Variants in UBE2E3 observed in about 807,000 individuals in gnomAD.
UBE2E3 encodes the protein ubiquitin conjugating enzyme E2 E3.
In UBE2E3, 5 loss-of-function variants were observed where a neutral mutation model predicts 23.6. The ratio of observed to expected loss-of-function variants is 0.21; its 90% CI spans 0.11 to 0.44. The LOEUF is 0.44. Among genes scored for constraint, UBE2E3 ranks in the 20% least tolerant of loss-of-function variants. UBE2E3 has a pLI of 0.99. For synonymous variants in UBE2E3, 78 were observed against 87.5 expected (o/e 0.89, Z 0.60); for missense variants, 81 against 249.8 (o/e 0.32, Z 4.55).
At chr2:180,987,941 A>G (rs1363463779) in intron 3 of UBE2E3, among the ~76,000 whole-genome samples, 2 of 152,134 alleles carry the variant, frequency 1.3e-5, no homozygotes, top group Admixed American at 6.6e-5. Flanking sequence ...TGAATTGTAT[A>G]TATAAGTAGG....
intron 3 of UBE2E3, among the ~76,000 whole-genome samples, chr2:181,019,853 G>T (rs371937611): frequency 4.7e-4 from 72 of 151,932 alleles, no homozygotes; most frequent in African/African-American, 1.5e-3. Flanking sequence ...TTTGTGGTGA[G>T]AACATTTAAG....
chr2:181,025,417 A>G (rs941662453), intron 3 of UBE2E3, among the ~76,000 whole-genome samples: 2 of 151,796 alleles, frequency 1.3e-5, no homozygotes, highest in African/African-American at 2.4e-5. Flanking sequence ...TTTCCCTGAC[A>G]GTTTATGTTA....
At chr2:181,014,259 A>G (rs1402887114) in intron 3 of UBE2E3, among the ~76,000 whole-genome samples, 1 of 152,168 alleles carries the variant, frequency 6.6e-6, no homozygotes, top group Non-Finnish European at 1.5e-5. Flanking sequence ...ATTTCTGAAC[A>G]AAGTGAGTTT....
chr2:181,014,787 A>G (rs926869435), intron 3 of UBE2E3, among the ~76,000 whole-genome samples: 3 of 152,204 alleles, frequency 2.0e-5, no homozygotes, highest in African/African-American at 7.2e-5. Flanking sequence ...TATATGATGT[A>G]TAATGATCAA....
intron 3 of UBE2E3, among the ~76,000 whole-genome samples, chr2:180,991,591 T>C (rs1194716100): frequency 1.3e-5 from 2 of 152,162 alleles, no homozygotes; most frequent in African/African-American, 2.4e-5. Flanking sequence ...ATGTCTTTGA[T>C]TGTGGCACAA....
intron 3 of UBE2E3, among the ~76,000 whole-genome samples, chr2:180,996,958 C>G (rs1157854758): frequency 6.6e-6 from 1 of 152,110 alleles, no homozygotes; most frequent in East Asian, 1.9e-4. Flanking sequence ...TGTGCATGAG[C>G]TTAATGTGTA....
chr2:181,052,450 G>A (rs1686869375), intron 3 of UBE2E3, among the ~76,000 whole-genome samples: 1 of 151,868 alleles, frequency 6.6e-6, no homozygotes, highest in South Asian at 2.1e-4. Context: ...AATAAGGCAG[G>A]TTGGACAAGT....
In UBE2E3 at chr2:181,031,264, T is replaced by C. The variant is rs576548835; in HGVS notation, c.246-26429T>C. 2.0e-5 allele frequency among the ~76,000 whole-genome samples: 3 copies of C among 152,300 alleles called. No homozygotes were observed. In the South Asian group the frequency reaches 6.2e-4, roughly 32 times the overall value. ...GGTTTGCTATGTTTTCATTAAATCA[T>C]GTTCATTTATTATGTGGTTCAGATA... On this transcript the variant is annotated intron_variant, in intron 3 of 5. Coordinates refer to ENST00000410062, the MANE Select transcript of UBE2E3 (RefSeq NM_006357.4).
At chr2:181,055,184 G>A (rs1686955292) in intron 3 of UBE2E3, among the ~76,000 whole-genome samples, 1 of 151,644 alleles carries the variant, frequency 6.6e-6, no homozygotes, top group African/African-American at 2.4e-5. Flanking sequence ...AGATTTCCAA[G>A]GAGTTTTGCT....
At chr2:181,014,617 G>GA (rs1248133200) in intron 3 of UBE2E3, among the ~76,000 whole-genome samples, 1 of 152,160 alleles carries the variant, frequency 6.6e-6, no homozygotes, top group Non-Finnish European at 1.5e-5. Flanking sequence ...ACCTGAGGTA[G>GA]AAAGTATTTC....
chr2:180,980,867 C>T lies in UBE2E3; in HGVS notation c.-132C>T, dbSNP rs1044581727. 2 of 149,712 alleles carry T rather than the reference C, an allele frequency of 1.3e-5. No homozygotes were observed. The highest frequency in any genetic ancestry group is 4.9e-5 in the African/African-American group (2 of 41,158). The allele number at this position is 149,712 out of a possible 1,614,324, so 9.3% of individuals were successfully genotyped here. ...CCTCGGCTTCTTTTTTTCCCTCCCC[C>T]CCCTTCCCCCCCCCACAGCTGCCTC... On this transcript the variant is annotated 5_prime_UTR_variant, in exon 1 of 6. Coordinates refer to ENST00000410062, the MANE Select transcript of UBE2E3 (RefSeq NM_006357.4). This position sits in a 1 kb window ranked among gnomAD's most constrained non-coding sequence, Gnocchi z 5.5.
intron 3 of UBE2E3, among the ~76,000 whole-genome samples, chr2:181,041,446 A>T (rs1205397058): frequency 3.6e-5 from 5 of 140,250 alleles, no homozygotes; most frequent in South Asian, 2.3e-4. Flanking sequence ...CAACATAAGG[A>T]ATTTTTTTTT....
intron 1 of UBE2E3, among the ~76,000 whole-genome samples, 164 bp from the exon 2 acceptor site, chr2:180,981,854 A>C (rs1424991301): frequency 6.7e-6 from 1 of 150,130 alleles, no homozygotes; most frequent in African/African-American, 2.4e-5. Context: ...GTTGTGTGAC[A>C]CATCACCTCC....
chr2:180,989,750 A>T (rs1429876796), intron 3 of UBE2E3: 5 of 984,244 alleles, frequency 5.1e-6, no homozygotes, highest in African/African-American at 4.9e-5. Flanking sequence ...ATGTGCTTTT[A>T]AAAAAAGTTA....
intron 3 of UBE2E3, among the ~76,000 whole-genome samples, chr2:180,986,753 G>T (rs1407603964): frequency 6.6e-6 from 1 of 152,040 alleles, no homozygotes; most frequent in African/African-American, 2.4e-5. Flanking sequence ...TTACAAGCTT[G>T]TCAAAGTACA....
chr2:181,045,797 C>T (rs1686656769), intron 3 of UBE2E3, among the ~76,000 whole-genome samples: 1 of 152,048 alleles, frequency 6.6e-6, no homozygotes, highest in South Asian at 2.1e-4. Context: ...ACACTGTTCC[C>T]TCCCTTCCAC....
intron 2 of UBE2E3, among the ~76,000 whole-genome samples, chr2:180,983,698 C>T (rs951217896): frequency 6.6e-6 from 1 of 152,172 alleles, no homozygotes; most frequent in Non-Finnish European, 1.5e-5. Flanking sequence ...TCCCTCCTCC[C>T]TTTTTGTCTC....
intron 3 of UBE2E3, among the ~76,000 whole-genome samples, chr2:181,023,192 C>T (rs1295851558): frequency 6.6e-6 from 1 of 152,180 alleles, no homozygotes; most frequent in Admixed American, 6.5e-5. Flanking sequence ...CAGGAACCAT[C>T]TTTATATTTT....
intron 4 of UBE2E3, among the ~76,000 whole-genome samples, 192 bp downstream of exon 4, chr2:181,058,017 GAA>G (rs1687034047): frequency 6.6e-6 from 1 of 151,678 alleles, no homozygotes; most frequent in African/African-American, 2.4e-5. Flanking sequence ...GTAATAAACA[GAA>G]AGAGTTTAAT....
Sources: gnomAD v4.1 joint callset for allele counts (sites outside exome capture counted in the v4.1 genomes callset) on GRCh38, gnomAD v4.1.1 for gene constraint, Gnocchi (gnomAD v3.1) non-coding constraint, MANE v1.5 for transcripts, NCBI Gene and HGNC (gene_info 2026-07-23, HGNC 2026-07-21) for gene names.